MAP3K2: variants seen among roughly 807,000 people sequenced by gnomAD.
The protein encoded by MAP3K2 is mitogen-activated protein kinase kinase kinase 2, also known as MAP/ERK kinase kinase 2.
In MAP3K2, 24 loss-of-function variants were observed where a neutral mutation model predicts 80.3. The observed-to-expected ratio is 0.30, with a 90% CI of 0.22 to 0.42. The LOEUF is 0.42. MAP3K2 is among the 10% of genes least tolerant of loss of function. MAP3K2 has a pLI of 1.00. For synonymous variants in MAP3K2, 244 were observed against 253.7 expected (o/e 0.96, Z 0.36); for missense variants, 608 against 750.1 (o/e 0.81, Z 2.21).
intron 1 of MAP3K2, among the ~76,000 whole-genome samples, chr2:127,347,075 C>A (rs1262028834): frequency 6.6e-6 from 1 of 152,052 alleles, no homozygotes; most frequent in Non-Finnish European, 1.5e-5. Context: ...AAATTCAACA[C>A]CCTTTTATGC....
At chr2:127,385,161 T>C (rs1194331089) in intron 1 of MAP3K2, among the ~76,000 whole-genome samples, 2 of 152,236 alleles carry the variant, frequency 1.3e-5, no homozygotes, top group East Asian at 3.8e-4. Flanking sequence ...CAGTATCACA[T>C]GCCAGAGTGA....
chr2:127,384,273 C>A (rs1305377154), intron 1 of MAP3K2, among the ~76,000 whole-genome samples: 1 of 151,112 alleles, frequency 6.6e-6, no homozygotes, highest in African/African-American at 2.4e-5. Flanking sequence ...TAACAGACTA[C>A]AGTATATTGT....
Position 127,306,270 on chromosome 2 carries a change from C to T in MAP3K2, c.*1309G>A, listed in dbSNP as rs9923. On this transcript the variant is annotated 3_prime_UTR_variant, in exon 17 of 17. Transcript: ENST00000682094. The surrounding 1 kb of genome is among the most constrained non-coding windows in gnomAD (Gnocchi z 4.7). ...TCTTTACATCAGGGTTTCTCAGCCT[C>T]AGCACTTCTGACATTTTGGGAGGGG... 29,304 of 152,070 alleles carry T rather than the reference C, an allele frequency of 0.19. 3,127 individuals carry two copies. The highest frequency in any genetic ancestry group is 0.34 in the South Asian group (1,627 of 4,814). 9.4% of individuals were successfully genotyped at this position (152,070 alleles called of 1,614,324 possible). A position where few individuals can be genotyped will look rare whatever the true frequency, so the allele number is the denominator to read the frequency against.
chr2:127,342,618 T>G (rs1373652371), intron 2 of MAP3K2, among the ~76,000 whole-genome samples: 1 of 152,128 alleles, frequency 6.6e-6, no homozygotes, highest in Admixed American at 6.6e-5. Flanking sequence ...GTCTAACTAA[T>G]TCCCTGCCTC....
intron 2 of MAP3K2, among the ~76,000 whole-genome samples, chr2:127,340,964 T>G (rs1686468312): frequency 6.6e-6 from 1 of 152,070 alleles, no homozygotes; most frequent in Non-Finnish European, 1.5e-5. Flanking sequence ...TTATCACATT[T>G]ATAAATACTT....
chr2:127,342,693 A>AATG (rs10694291), intron 2 of MAP3K2, among the ~76,000 whole-genome samples: 150,961 of 152,228 alleles, frequency 0.99, 74,854 homozygotes, highest in East Asian at 1. Flanking sequence ...AGGAAAACAA[A>AATG]ATATGTAAAC....
At chr2:127,308,256 C>G (rs1395323696) in intron 16 of MAP3K2, among the ~76,000 whole-genome samples, 1 of 152,126 alleles carries the variant, frequency 6.6e-6, no homozygotes. Context: ...TTATAAGACA[C>G]TGACAACAAA....
chr2:127,368,658 A>G (rs1558989439), intron 1 of MAP3K2, among the ~76,000 whole-genome samples: 1 of 152,128 alleles, frequency 6.6e-6, no homozygotes, highest in Non-Finnish European at 1.5e-5. Context: ...TAAAAAGGCA[A>G]AGTATTTACA....
chr2:127,314,962 A>T, intron 14 of MAP3K2, 79 bp from the exon 15 acceptor site: 1 of 1,016,042 alleles, frequency 9.8e-7, no homozygotes, highest in Admixed American at 2.6e-5. Flanking sequence ...TTATCAGTAA[A>T]GAGGGCAGGA....
At chr2:127,309,025 T>TGAA (rs1685760010) in intron 15 of MAP3K2, among the ~76,000 whole-genome samples, 1 of 152,038 alleles carries the variant, frequency 6.6e-6, no homozygotes, top group South Asian at 2.1e-4. Context: ...TGGTGCAGGT[T>TGAA]GGAGGTGGGG....
At chr2:127,336,649 A>G (rs1444089999) in intron 4 of MAP3K2, among the ~76,000 whole-genome samples, 2 of 152,234 alleles carry the variant, frequency 1.3e-5, no homozygotes, top group Non-Finnish European at 1.5e-5. Flanking sequence ...TGAATGAATG[A>G]AAAAATTGGG....
rs1685620146 is a variant in MAP3K2 at position 127,302,624 on chromosome 2, A to C, written c.*4955T>G. The C allele has an allele frequency of 6.6e-6, 1 of 152,210 alleles. No homozygotes were observed. Among genetic ancestry groups the C allele is most frequent in the African/African-American group, 2.4e-5 (1 of 41,456 alleles). The allele number at this position is 152,210 out of a possible 1,614,324, so 9.4% of individuals were successfully genotyped here. ...CTATCTCATTGCCTTAACATTTGTAAACCATGTGAATGACTTCTTTAGGGC... is the reference window on the plus strand; with the variant it reads ...CTATCTCATTGCCTTAACATTTGTACACCATGTGAATGACTTCTTTAGGGC... On this transcript the variant is annotated 3_prime_UTR_variant, in exon 17 of 17. Transcript: ENST00000682094.
rs1186183198 is a variant in MAP3K2 at position 127,352,199 on chromosome 2, T to C, written c.-65-9005A>G. On this transcript the variant is annotated intron_variant, in intron 1 of 16. Coordinates refer to ENST00000682094, the MANE Select transcript of MAP3K2 (RefSeq NM_001371910.2). ...GCCAACTTCCCTACTTTTGGTGTTA[T>C]ATTCTACTACAGTAAAGGTTAGATA... Among the ~76,000 whole-genome samples, 3 of 152,228 alleles carry C rather than the reference T, an allele frequency of 2.0e-5. No homozygotes were observed. The East Asian group carries it at 5.8e-4, about 29-fold the overall frequency.
chr2:127,354,668 CA>C (rs1315260337), intron 1 of MAP3K2, among the ~76,000 whole-genome samples: 1 of 151,910 alleles, frequency 6.6e-6, no homozygotes, highest in African/African-American at 2.4e-5. Flanking sequence ...TACAAGAATG[CA>C]AAAATGTCCA....
At chr2:127,342,534 C>G (rs899272295) in intron 2 of MAP3K2, among the ~76,000 whole-genome samples, 2 of 152,054 alleles carry the variant, frequency 1.3e-5, no homozygotes, top group Non-Finnish European at 2.9e-5. Flanking sequence ...TAGCATCCAA[C>G]TACTCAGTAC....
chr2:127,323,723 TA>T (rs769841101), intron 11 of MAP3K2, among the ~76,000 whole-genome samples, 178 bp downstream of exon 11: 9 of 152,234 alleles, frequency 5.9e-5, no homozygotes, highest in Non-Finnish European at 1.3e-4. Context: ...TTTTAAGGGA[TA>T]ACCAAGTCTT....
rs1686431601 is a variant in MAP3K2 at position 127,339,242 on chromosome 2, T to A, written c.5-192A>T. 6.6e-6 allele frequency among the ~76,000 whole-genome samples: 1 copy of A among 152,240 alleles called. No individual in the cohort carries two copies. On this transcript the variant is annotated intron_variant, in intron 2 of 16. Coordinates refer to ENST00000682094, the MANE Select transcript of MAP3K2 (RefSeq NM_001371910.2). The surrounding 1 kb of genome is among the most constrained non-coding windows in gnomAD (Gnocchi z 4.2). ...ATTGCACTAGACTTAATCTCTAGCA[T>A]CAGTCCACACATGAGACACTAATGG...
intron 1 of MAP3K2, among the ~76,000 whole-genome samples, chr2:127,380,644 T>A (rs1287058456): frequency 6.6e-6 from 1 of 152,152 alleles, no homozygotes; most frequent in Non-Finnish European, 1.5e-5. Context: ...CTTAACTCTT[T>A]AACCTAAGAG....
intron 14 of MAP3K2, among the ~76,000 whole-genome samples, chr2:127,315,135 T>A (rs1247252379): frequency 2.0e-5 from 3 of 152,224 alleles, no homozygotes; most frequent in Non-Finnish European, 2.9e-5. Flanking sequence ...CTTTATATAC[T>A]CAACACTCAA....
Sources: gnomAD v4.1 joint callset for allele counts (sites outside exome capture counted in the v4.1 genomes callset) on GRCh38, gnomAD v4.1.1 for gene constraint, Gnocchi (gnomAD v3.1) non-coding constraint, MANE v1.5 for transcripts, NCBI Gene and HGNC (gene_info 2026-07-23, HGNC 2026-07-21) for gene names.